Variants in PDE1A observed in about 807,000 individuals in gnomAD.
The protein encoded by PDE1A is phosphodiesterase 1A.
In PDE1A, 35 loss-of-function variants were observed where a neutral mutation model predicts 61.7. That is an observed-to-expected ratio of 0.57 (90% CI 0.43 to 0.75). The LOEUF is 0.75. Ranked by LOEUF, PDE1A falls within the 30% of genes least tolerant of loss-of-function variation. PDE1A has a pLI of 0.00. For missense variants in PDE1A, 597 were observed against 630.6 expected (o/e 0.95, Z 0.57); for synonymous variants, 232 against 213.2 (o/e 1.09, Z -0.77).
At chr2:182,281,109 T>G (rs1693774167) in intron 1 of PDE1A, among the ~76,000 whole-genome samples, 1 of 151,912 alleles carries the variant, frequency 6.6e-6, no homozygotes, top group Non-Finnish European at 1.5e-5. Flanking sequence ...ATTTAGATAG[T>G]AGGAAGAATC....
intron 2 of PDE1A, among the ~76,000 whole-genome samples, chr2:182,469,221 C>G (rs1295630648): frequency 6.6e-6 from 1 of 151,964 alleles, no homozygotes; most frequent in Non-Finnish European, 1.5e-5. Flanking sequence ...CAATAGAAAT[C>G]TGTGTCATCT....
chr2:182,200,617 A>G (rs1205411808), intron 10 of PDE1A, among the ~76,000 whole-genome samples: 1 of 152,192 alleles, frequency 6.6e-6, no homozygotes, highest in Non-Finnish European at 1.5e-5. Flanking sequence ...TGTATTCTTT[A>G]TAATAAAATT....
At chr2:182,307,264 C>T (rs771434066) in intron 1 of PDE1A, among the ~76,000 whole-genome samples, 3 of 152,152 alleles carry the variant, frequency 2.0e-5, no homozygotes, top group Non-Finnish European at 4.4e-5. Context: ...ATTTAATTAT[C>T]ATTATAACAG....
At chr2:182,329,198 C>A (rs1414552831) in intron 1 of PDE1A, among the ~76,000 whole-genome samples, 2 of 152,076 alleles carry the variant, frequency 1.3e-5, no homozygotes, top group African/African-American at 4.8e-5. Context: ...AAATTGCCAA[C>A]CTCCTATTCC....
chr2:182,489,433 C>A (rs898751117), intron 2 of PDE1A, among the ~76,000 whole-genome samples: 1 of 152,094 alleles, frequency 6.6e-6, no homozygotes, highest in Non-Finnish European at 1.5e-5. Context: ...ACTGACACTG[C>A]GTGAAAAAGA....
Position 182,321,810 on chromosome 2 carries a change from C to T in PDE1A, c.54-57396G>A, listed in dbSNP as rs541484314. The stretch of plus-strand genomic sequence containing the variant: ...CCCCTTCTCTCCTCATAGAGCTCTC[C>T]AAATTTGCATGTTTTATAGCTTTAA... On this transcript the variant is annotated intron_variant, in intron 1 of 13. Coordinates refer to ENST00000351439, the Ensembl canonical transcript of PDE1A. 3.9e-5 allele frequency among the ~76,000 whole-genome samples: 6 copies of T among 152,150 alleles called. No homozygotes were observed. In the East Asian group the frequency reaches 1.2e-3, roughly 29 times the overall value.
intron 2 of PDE1A, among the ~76,000 whole-genome samples, chr2:182,254,837 A>G (rs1480708773): frequency 6.6e-6 from 1 of 152,150 alleles, no homozygotes; most frequent in African/African-American, 2.4e-5. Context: ...TTGAGAAAGC[A>G]CTTTCCTCCA....
intron 1 of PDE1A, among the ~76,000 whole-genome samples, chr2:182,378,943 A>T (rs2125299062): frequency 6.6e-6 from 1 of 152,342 alleles, no homozygotes; most frequent in African/African-American, 2.4e-5. Flanking sequence ...GATAGTCCTA[A>T]TCTAAACATA....
intron 1 of PDE1A, among the ~76,000 whole-genome samples, chr2:182,284,122 G>T (rs1031596505): frequency 6.6e-6 from 1 of 152,084 alleles, no homozygotes; most frequent in South Asian, 2.1e-4. Context: ...AGGCAGTAAG[G>T]AAAGGAAATG....
At position 182,230,077 on chromosome 2, in the gene PDE1A, AT is replaced by A; in HGVS notation, c.603del (p.Tyr202IlefsTer4). ...TCAGCTGCATGAATCAAATTGTGAT[AT>A]GGATTTTTGTACTTGCTGTAACCAA... On this transcript the variant is annotated frameshift_variant, in exon 6 of 14. Coordinates refer to ENST00000351439, the Ensembl canonical transcript of PDE1A. LOFTEE classifies it high-confidence loss of function. 6.2e-7 allele frequency: 1 copy of A among 1,612,996 alleles called. No homozygotes were observed. Among genetic ancestry groups the A allele is most frequent in the Non-Finnish European group, 8.5e-7 (1 of 1,179,218 alleles).
chr2:182,492,814 G>A (rs1338132840), intron 2 of PDE1A, among the ~76,000 whole-genome samples: 1 of 152,180 alleles, frequency 6.6e-6, no homozygotes, highest in Non-Finnish European at 1.5e-5. Flanking sequence ...AGTGAAACAT[G>A]TTTTTATAAA....
the PDE1A span, among the ~76,000 whole-genome samples, chr2:182,573,882 AAT>A: frequency 0.083 from 11,954 of 144,246 alleles, 1,612 homozygotes; most frequent in African/African-American, 0.29. Flanking sequence ...TATATATATT[AAT>A]ATATATACAT....
chr2:182,362,104 A>G (rs1699545817), intron 1 of PDE1A, among the ~76,000 whole-genome samples: 2 of 152,086 alleles, frequency 1.3e-5, no homozygotes, highest in East Asian at 1.9e-4. Flanking sequence ...TAGTGGCAGA[A>G]TTTGCACTAG....
the PDE1A span, among the ~76,000 whole-genome samples, chr2:182,647,192 T>C: frequency 1.3e-5 from 2 of 152,092 alleles, no homozygotes; most frequent in African/African-American, 4.8e-5. Flanking sequence ...CCCCAGGAAG[T>C]CTCTTCTCTC....
At chr2:182,330,147 C>T (rs1023984300) in intron 1 of PDE1A, among the ~76,000 whole-genome samples, 1 of 151,932 alleles carries the variant, frequency 6.6e-6, no homozygotes, top group Non-Finnish European at 1.5e-5. Flanking sequence ...AGTTCAAGAC[C>T]AGCCTGGCCA....
chr2:182,581,075 T>C, the PDE1A span, among the ~76,000 whole-genome samples: 2 of 152,160 alleles, frequency 1.3e-5, no homozygotes, highest in African/African-American at 4.8e-5. Context: ...TAGGCAGTCA[T>C]CATTTTCTTC....
the PDE1A span, among the ~76,000 whole-genome samples, chr2:182,541,557 GA>G: frequency 1.3e-5 from 2 of 152,108 alleles, no homozygotes; most frequent in Non-Finnish European, 2.9e-5. Flanking sequence ...TTGGTGGAAG[GA>G]AACATTCAAT....
chr2:182,687,066 T>C, the PDE1A span, among the ~76,000 whole-genome samples: 1 of 152,194 alleles, frequency 6.6e-6, no homozygotes, highest in Non-Finnish European at 1.5e-5. Context: ...CCACCGCAGC[T>C]CAAGGAGGCC....
chr2:182,590,489 A>G, the PDE1A span, among the ~76,000 whole-genome samples: 2 of 152,180 alleles, frequency 1.3e-5, no homozygotes, highest in Non-Finnish European at 2.9e-5. Flanking sequence ...GTGTGTGCAC[A>G]TGATATAGTA....
Sources: gnomAD v4.1 joint callset for allele counts (sites outside exome capture counted in the v4.1 genomes callset) on GRCh38, gnomAD v4.1.1 for gene constraint, MANE v1.5 for transcripts, NCBI Gene and HGNC (gene_info 2026-07-23, HGNC 2026-07-21) for gene names.